HMCN1: variants seen among roughly 807,000 people sequenced by gnomAD.
The protein encoded by HMCN1 is hemicentin 1.
A neutral mutation model predicts 625.9 loss-of-function variants in HMCN1; 321 were observed. That is an observed-to-expected ratio of 0.51 (90% confidence interval 0.47 to 0.56). The LOEUF (loss-of-function observed/expected upper bound fraction) is 0.56, where lower values mean the gene tolerates loss of function less well. Ranked by LOEUF, HMCN1 falls within the 20% of genes least tolerant of loss-of-function variation. The pLI is 0.00. For missense variants in HMCN1, 6,588 were observed against 6,887.3 expected, an observed-to-expected ratio of 0.96 and a Z score of 1.54; for synonymous variants, 2,425 against 2,417.6, an observed-to-expected ratio of 1.00 and a Z score of -0.09.
intron 1 of HMCN1, among the ~76,000 whole-genome samples, chr1:185,757,724 A>C (rs1007202424): frequency 1.3e-5 from 2 of 152,172 alleles, no homozygotes; most frequent in African/African-American, 4.8e-5. Context: ...AACTCTTTAA[A>C]TAGTATCTGA....
At chr1:186,111,932 G>C (rs1420863556) in intron 71 of HMCN1, among the ~76,000 whole-genome samples, 1 of 152,156 alleles carries the variant, frequency 6.6e-6, no homozygotes, top group African/African-American at 2.4e-5. Flanking sequence ...TCATACGGTA[G>C]AGAAATCTTA....
intron 97 of HMCN1, among the ~76,000 whole-genome samples, chr1:186,163,928 C>A (rs1008035085): frequency 6.6e-6 from 1 of 152,162 alleles, no homozygotes; most frequent in Non-Finnish European, 1.5e-5. Context: ...AAAAACCTAA[C>A]ACTACTATCA....
At chr1:185,964,882 G>T (rs886489900) in intron 13 of HMCN1, among the ~76,000 whole-genome samples, 2 of 152,004 alleles carry the variant, frequency 1.3e-5, no homozygotes, top group African/African-American at 4.8e-5. Flanking sequence ...AAAGTCTGTT[G>T]TATTTTGGGC....
intron 11 of HMCN1, among the ~76,000 whole-genome samples, chr1:185,959,972 T>C (rs1327703632): frequency 6.6e-6 from 1 of 152,160 alleles, no homozygotes; most frequent in Non-Finnish European, 1.5e-5. Context: ...GCAGTTGAAA[T>C]AACTTAGTGA....
chr1:185,765,617 A>G (rs1655825115), intron 1 of HMCN1, among the ~76,000 whole-genome samples: 1 of 152,202 alleles, frequency 6.6e-6, no homozygotes, highest in Non-Finnish European at 1.5e-5. Flanking sequence ...GCATGATAAC[A>G]TGTCTGAGTT....
chr1:186,118,424 G>T (rs1007449061), intron 77 of HMCN1, among the ~76,000 whole-genome samples: 5 of 152,092 alleles, frequency 3.3e-5, no homozygotes, highest in Non-Finnish European at 7.4e-5. Context: ...AATCATAAAA[G>T]ATTTTAAAAT....
intron 4 of HMCN1, among the ~76,000 whole-genome samples, chr1:185,902,409 A>ATCTATC (rs1665863044): frequency 2.6e-5 from 2 of 76,026 alleles, no homozygotes; most frequent in African/African-American, 9.4e-5. Flanking sequence ...ATCTATCTCT[A>ATCTATC]TCTATCTATC....
intron 1 of HMCN1, among the ~76,000 whole-genome samples, chr1:185,837,172 C>T (rs1225217508): frequency 2.0e-5 from 3 of 151,792 alleles, no homozygotes; most frequent in Non-Finnish European, 4.4e-5. Context: ...TCACAAAATA[C>T]GTTTAAGACT....
intron 4 of HMCN1, among the ~76,000 whole-genome samples, chr1:185,872,380 T>A (rs994142375): frequency 2.0e-5 from 3 of 152,194 alleles, no homozygotes; most frequent in Non-Finnish European, 2.9e-5. Context: ...GTCAGGAATA[T>A]GCTTAAATGA....
intron 6 of HMCN1, among the ~76,000 whole-genome samples, chr1:185,918,957 G>A (rs1342106012): frequency 6.6e-6 from 1 of 151,898 alleles, no homozygotes. Context: ...TGGTGGAAAG[G>A]TGCTTTTTGT....
At chr1:186,044,484 A>G (rs185707906) in intron 40 of HMCN1, among the ~76,000 whole-genome samples, 211 of 152,262 alleles carry the variant, frequency 1.4e-3, no homozygotes, top group Non-Finnish European at 2.6e-3. Flanking sequence ...ATGGTTACGG[A>G]GGCACAATAC....
Position 186,114,897 on chromosome 1 carries a change from C to T in HMCN1, c.11355C>T (p.Ala3785=). The T allele has an allele frequency of 6.2e-7, 1 of 1,614,070 alleles. No individual in the cohort carries two copies. The highest frequency in any genetic ancestry group is 8.5e-7 in the Non-Finnish European group (1 of 1,179,994). ...ACACTGGACGGTATTTGTGTATGGC[C>T]ACCAATGCTGCTGGAACAGATCGCA... ...VTDTGRYLCM[A]TNAAGTDRRR... Residue 3785 remains alanine, a synonymous_variant, in exon 74 of 107, where the codon GCC becomes GCT. Coordinates refer to ENST00000271588, the MANE Select transcript of HMCN1 (RefSeq NM_031935.3).
intron 1 of HMCN1, among the ~76,000 whole-genome samples, chr1:185,746,207 T>C (rs536282086): frequency 4.3e-4 from 66 of 152,256 alleles, no homozygotes; most frequent in African/African-American, 1.5e-3. Flanking sequence ...GTTTCTTTCA[T>C]GAAAGAAGAG....
rs1412543253 is a variant in HMCN1, at chr1:185,923,517, A to T, written c.1149A>T (p.Arg383=). Residue 383 remains arginine, a synonymous_variant, in exon 8 of 107, where the codon CGA becomes CGT. Coordinates refer to ENST00000271588, the MANE Select transcript of HMCN1 (RefSeq NM_031935.3). ...KTIPVKYYPH[R]KPYGIWNISD... is the part of the protein sequence containing the mutation. ...TTCCTGTTAAATATTACCCACATCG[A>T]AAACCTTATGGCATATGGAATATTT... The T allele has an allele frequency of 1.2e-6, 2 of 1,612,634 alleles. No homozygotes were observed.
rs1381752307 is a variant in HMCN1 at position 185,889,793 on chromosome 1, C to T, written c.622-19544C>T. Among the ~76,000 whole-genome samples, 77 of 140,348 alleles carry T rather than the reference C, an allele frequency of 5.5e-4. 2 individuals carry two copies. The highest frequency in any genetic ancestry group is 1.8e-3 in the African/African-American group (59 of 32,858). 92.1% of individuals were successfully genotyped at this position (140,348 alleles called of 152,430 possible). ...TCTCTTTTTTGGTTGTGTCTCTGCC[C>T]GGCTTTGGTATCAGAATGATGCTGG... On this transcript the variant is annotated intron_variant, in intron 4 of 106. Coordinates refer to ENST00000271588, the MANE Select transcript of HMCN1 (RefSeq NM_031935.3).
intron 8 of HMCN1, 69 bp from the exon 9 acceptor site, chr1:185,924,978 G>A: frequency 7.8e-7 from 1 of 1,274,106 alleles, no homozygotes; most frequent in Non-Finnish European, 1.1e-6. Context: ...TGGATTAAGA[G>A]GCAGTACTTA....
At chr1:186,119,483 G>C (rs1281711236) in intron 78 of HMCN1, among the ~76,000 whole-genome samples, 185 bp downstream of exon 78, 1 of 152,134 alleles carries the variant, frequency 6.6e-6, no homozygotes, top group Non-Finnish European at 1.5e-5. Context: ...ACCACTCAAA[G>C]TAACTCCAAA....
intron 9 of HMCN1, among the ~76,000 whole-genome samples, chr1:185,927,570 A>G (rs1667339917): frequency 1.3e-5 from 2 of 152,146 alleles, no homozygotes; most frequent in Admixed American, 1.3e-4. Context: ...ACGAGTTAAG[A>G]GCTCAGTAAG....
At chr1:185,948,453 G>T (rs1345969661) in intron 11 of HMCN1, among the ~76,000 whole-genome samples, 3 of 149,802 alleles carry the variant, frequency 2.0e-5, no homozygotes, top group Non-Finnish European at 3.0e-5. Context: ...TCAAAGGGGG[G>T]TTGTTCTCTG....
Sources: gnomAD v4.1 joint callset for allele counts (sites outside exome capture counted in the v4.1 genomes callset) on GRCh38, gnomAD v4.1.1 for gene constraint, MANE v1.5 for transcripts, NCBI Gene and HGNC (gene_info 2026-07-23, HGNC 2026-07-21) for gene names.